The following SH3BGRL2 variants were observed in gnomAD, a reference collection of about 807,000 sequenced individuals.
SH3BGRL2 encodes the protein SH3 domain binding glutamate rich protein like 2.
In SH3BGRL2, 21 loss-of-function variants were observed where a neutral mutation model predicts 14.8. That is an observed-to-expected ratio of 1.42 (90% CI 1.01 to 2.05). The LOEUF is 2.05. Among genes scored for constraint, SH3BGRL2 ranks in the 30% most tolerant of loss-of-function variants. The pLI, the probability that SH3BGRL2 is intolerant of heterozygous loss-of-function variation, is 0.00. For synonymous variants in SH3BGRL2, 50 were observed against 47.8 expected, an observed-to-expected ratio of 1.05 and a Z score of -0.19; for missense variants, 147 against 130.8, an observed-to-expected ratio of 1.12 and a Z score of -0.61.
At chr6:79,666,719 A>T (rs1769666891) in intron 1 of SH3BGRL2, among the ~76,000 whole-genome samples, 1 of 151,950 alleles carries the variant, frequency 6.6e-6, no homozygotes, top group African/African-American at 2.4e-5. Flanking sequence ...AAGCTGTTTT[A>T]AAAAAAACTT....
chr6:79,564,732 TTGATAAAA>T, the SH3BGRL2 span, among the ~76,000 whole-genome samples: 1 of 152,272 alleles, frequency 6.6e-6, no homozygotes, highest in Non-Finnish European at 1.5e-5. Context: ...TTCAAGATGG[TTGATAAAA>T]TGATACATTA....
At chr6:79,592,551 G>T in the SH3BGRL2 span, among the ~76,000 whole-genome samples, 1 of 152,280 alleles carries the variant, frequency 6.6e-6, no homozygotes, top group African/African-American at 2.4e-5. Context: ...TTAGCCTGGG[G>T]TGTGGGAGGA....
chr6:79,662,495 A>G (rs1053439529), intron 1 of SH3BGRL2, among the ~76,000 whole-genome samples: 2 of 152,148 alleles, frequency 1.3e-5, no homozygotes, highest in Non-Finnish European at 2.9e-5. Flanking sequence ...CCGACTTGTA[A>G]GGTTTCTGCT....
the SH3BGRL2 span, among the ~76,000 whole-genome samples, chr6:79,583,986 G>C: frequency 1.3e-5 from 2 of 152,044 alleles, no homozygotes; most frequent in Non-Finnish European, 2.9e-5. Flanking sequence ...TTATGACTTT[G>C]GTTTCAGAGA....
chr6:79,596,407 A>T, the SH3BGRL2 span, among the ~76,000 whole-genome samples: 12 of 151,956 alleles, frequency 7.9e-5, no homozygotes, highest in Non-Finnish European at 1.5e-5. Context: ...CGATCATCCC[A>T]CCTCAGCACC....
intron 1 of SH3BGRL2, among the ~76,000 whole-genome samples, chr6:79,639,921 T>G (rs1231565017): frequency 6.6e-6 from 1 of 152,210 alleles, no homozygotes; most frequent in Non-Finnish European, 1.5e-5. Flanking sequence ...CCTTAAAAAT[T>G]TAGTGAACAT....
chr6:79,684,493 A>G (rs1341736919), intron 2 of SH3BGRL2, among the ~76,000 whole-genome samples: 2 of 152,226 alleles, frequency 1.3e-5, no homozygotes, highest in Non-Finnish European at 2.9e-5. Flanking sequence ...AACACAGAAC[A>G]TACCTAACAA....
chr6:79,691,315 T>C (rs1475392440), intron 2 of SH3BGRL2, among the ~76,000 whole-genome samples: 3 of 151,984 alleles, frequency 2.0e-5, no homozygotes, highest in African/African-American at 7.3e-5. Context: ...AAATCTGTTT[T>C]TTTGTTTGTT....
At chr6:79,654,925 T>C (rs1377824620) in intron 1 of SH3BGRL2, among the ~76,000 whole-genome samples, 4 of 152,210 alleles carry the variant, frequency 2.6e-5, no homozygotes, top group Admixed American at 2.6e-4. Context: ...TAACCTGGTT[T>C]ACATCCTAGC....
the SH3BGRL2 span, among the ~76,000 whole-genome samples, chr6:79,563,591 G>T: frequency 6.6e-6 from 1 of 152,256 alleles, no homozygotes; most frequent in Non-Finnish European, 1.5e-5. Flanking sequence ...CTGTAAAGTA[G>T]CCCAGGCTAG....
the SH3BGRL2 span, among the ~76,000 whole-genome samples, chr6:79,557,843 C>G: frequency 2.0e-5 from 3 of 152,068 alleles, no homozygotes; most frequent in African/African-American, 7.2e-5. Context: ...TCCAGATGCT[C>G]CCAGGAGAAG....
the SH3BGRL2 span, among the ~76,000 whole-genome samples, chr6:79,587,930 C>T: frequency 7.3e-5 from 11 of 151,594 alleles, no homozygotes; most frequent in Non-Finnish European, 1.3e-4. Context: ...AATCCCAGCA[C>T]TTTGGGAGGC....
intron 1 of SH3BGRL2, among the ~76,000 whole-genome samples, chr6:79,640,555 A>G (rs905297870): frequency 3.3e-5 from 5 of 152,112 alleles, no homozygotes; most frequent in African/African-American, 1.2e-4. Flanking sequence ...CACCTTTGTT[A>G]CTATTGACAG....
the SH3BGRL2 span, among the ~76,000 whole-genome samples, chr6:79,613,465 T>C: frequency 1.3e-5 from 2 of 152,200 alleles, no homozygotes; most frequent in African/African-American, 4.8e-5. Flanking sequence ...GGGAAATGAG[T>C]AGAGTTATAC....
At chr6:79,573,207 T>C in the SH3BGRL2 span, among the ~76,000 whole-genome samples, 2 of 152,124 alleles carry the variant, frequency 1.3e-5, no homozygotes, top group Admixed American at 6.6e-5. Context: ...TATTTTTCCC[T>C]CTGTATAGAT....
the SH3BGRL2 span, among the ~76,000 whole-genome samples, chr6:79,606,543 G>A: frequency 6.6e-6 from 1 of 152,120 alleles, no homozygotes; most frequent in African/African-American, 2.4e-5. Flanking sequence ...CTGGCTGGCT[G>A]GCACACCCTT....
intron 2 of SH3BGRL2, among the ~76,000 whole-genome samples, chr6:79,676,333 C>T (rs562451235): frequency 6.6e-6 from 1 of 151,918 alleles, no homozygotes; most frequent in Non-Finnish European, 1.5e-5. Context: ...AGTGAGGCAC[C>T]CTGGGATCTA....
chr6:79,650,132 C>T (rs1769257510), intron 1 of SH3BGRL2, among the ~76,000 whole-genome samples: 1 of 151,998 alleles, frequency 6.6e-6, no homozygotes, highest in Non-Finnish European at 1.5e-5. Flanking sequence ...CCAGAATTTG[C>T]AGGCACACTC....
intron 1 of SH3BGRL2, among the ~76,000 whole-genome samples, chr6:79,644,375 C>T (rs1272223704): frequency 6.6e-6 from 1 of 152,074 alleles, no homozygotes; most frequent in East Asian, 1.9e-4. Flanking sequence ...GGGAAAGATT[C>T]AGTCAACACA....
Sources: allele counts gnomAD v4.1 joint callset (sites outside exome capture counted in the v4.1 genomes callset), GRCh38; gene constraint gnomAD v4.1.1; transcripts MANE v1.5; gene names NCBI Gene and HGNC (gene_info 2026-07-23, HGNC 2026-07-21).